ARHGAP8: variants seen among roughly 807,000 people sequenced by gnomAD.
ARHGAP8 encodes Rho GTPase activating protein 8, also known as rho GTPase-activating protein 8.
ARHGAP8 carries 62 observed loss-of-function variants against 46.1 expected under a neutral mutation model. The ratio of observed to expected loss-of-function variants is 1.34; its 90% CI spans 1.10 to 1.66. ARHGAP8 has a LOEUF of 1.66. Ranked by LOEUF, ARHGAP8 falls within the 40% of genes most tolerant of loss-of-function variation. The probability of loss-of-function intolerance (pLI) is 0.00; values close to 1 mark genes in which losing one functional copy is unlikely to be tolerated. For missense variants in ARHGAP8, 923 were observed against 568.4 expected (o/e 1.62, Z -6.34); for synonymous variants, 375 against 243.1 (o/e 1.54, Z -5.05).
intron 4 of ARHGAP8, among the ~76,000 whole-genome samples, chr22:44,814,056 G>GC (rs1340913923): frequency 6.6e-6 from 1 of 152,130 alleles, no homozygotes; most frequent in Non-Finnish European, 1.5e-5. Context: ...CATGTCCTCT[G>GC]CCCCCATCCC....
intron 3 of ARHGAP8, among the ~76,000 whole-genome samples, chr22:44,802,846 C>G (rs555451108): frequency 2.6e-5 from 4 of 152,278 alleles, no homozygotes; most frequent in African/African-American, 9.6e-5. Flanking sequence ...AGCCACGGGA[C>G]TAGAGCCACT....
intron 5 of ARHGAP8, among the ~76,000 whole-genome samples, chr22:44,818,108 T>C (rs1435783900): frequency 6.8e-6 from 1 of 147,816 alleles, no homozygotes; most frequent in South Asian, 2.2e-4. Context: ...AGTCAGACTT[T>C]GTTGTACTTA....
At chr22:44,852,491 C>T (rs928637830) in intron 10 of ARHGAP8, among the ~76,000 whole-genome samples, 4 of 152,168 alleles carry the variant, frequency 2.6e-5, no homozygotes, top group African/African-American at 2.4e-5. Context: ...TCAGCATGCC[C>T]AGGCTCCATA....
chr22:44,859,640 C>T lies in ARHGAP8; in HGVS notation c.878-91C>T, dbSNP rs181560166. On this transcript the variant is annotated intron_variant, in intron 10 of 11. Transcript: ENST00000356099. Reference sequence around the variant, plus strand: ...TGGGATAGTCCATCCTCAGAGCTGTCCTTCCTACACCCCTGTTCTCCTCCC... The same window carrying T: ...TGGGATAGTCCATCCTCAGAGCTGTTCTTCCTACACCCCTGTTCTCCTCCC... The T allele has an allele frequency of 5.0e-6, 7 of 1,402,558 alleles. No individual in the cohort carries two copies. The African/African-American group carries it at 7.2e-5, about 14-fold the overall frequency. The allele number at this position is 1,402,558 out of a possible 1,614,324, so 86.9% of individuals were successfully genotyped here.
chr22:44,846,301 C>A (rs1441237948), intron 8 of ARHGAP8, among the ~76,000 whole-genome samples: 2 of 152,244 alleles, frequency 1.3e-5, no homozygotes, highest in Non-Finnish European at 2.9e-5. Context: ...TTGATTTCCT[C>A]TTTGGAGCAG....
intron 2 of ARHGAP8, among the ~76,000 whole-genome samples, chr22:44,791,111 A>G (rs1258931289): frequency 6.6e-6 from 1 of 152,052 alleles, no homozygotes; most frequent in Non-Finnish European, 1.5e-5. Flanking sequence ...CTTCCAGATT[A>G]TTCATCCTTC....
intron 2 of ARHGAP8, among the ~76,000 whole-genome samples, chr22:44,794,489 T>C (rs893397556): frequency 6.6e-5 from 10 of 152,160 alleles, no homozygotes; most frequent in African/African-American, 1.9e-4. Flanking sequence ...GGCAGGCAGA[T>C]CATGAAGTCA....
At position 44,795,834 on chromosome 22, in the gene ARHGAP8, C is replaced by T. The variant is rs542631237; in HGVS notation, c.80-6243C>T. On this transcript the variant is annotated intron_variant, in intron 2 of 11. Coordinates refer to ENST00000356099, the MANE Select transcript of ARHGAP8 (RefSeq NM_181335.3). ...CCACCCAGTCTGGGGGGCTGCTCCT[C>T]CCACAAGCCTCCCAGCCCCTCCCCC... Among the ~76,000 whole-genome samples the T allele has an allele frequency of 1.7e-3, 257 of 152,230 alleles. 3 individuals are homozygous for T. The highest frequency in any genetic ancestry group is 0.013 in the South Asian group (63 of 4,812).
chr22:44,794,020 C>T lies in ARHGAP8; in HGVS notation c.79+7414C>T, dbSNP rs544938854. Reference sequence around the variant, plus strand: ...GAGGCCGGCCTCAGTGCGGGGCATGCGCAGGGCAGAGGAAGGCGCGGAGGC... The same window carrying T: ...GAGGCCGGCCTCAGTGCGGGGCATGTGCAGGGCAGAGGAAGGCGCGGAGGC... On this transcript the variant is annotated intron_variant, in intron 2 of 11. Coordinates refer to ENST00000356099, the MANE Select transcript of ARHGAP8 (RefSeq NM_181335.3). 4.8e-4 allele frequency among the ~76,000 whole-genome samples: 73 copies of T among 152,298 alleles called. 1 individual carries two copies. The South Asian group carries it at 8.3e-3, about 17-fold the overall frequency.
intron 2 of ARHGAP8, among the ~76,000 whole-genome samples, chr22:44,799,687 GCTGTTCTTAC>G (rs1259146341): frequency 2.0e-5 from 3 of 152,246 alleles, no homozygotes; most frequent in Admixed American, 6.5e-5. Flanking sequence ...TGTGCCTCAG[GCTGTTCTTAC>G]CTGTGTCCTT....
At chr22:44,851,504 C>T (rs1166778052) in intron 10 of ARHGAP8, among the ~76,000 whole-genome samples, 1 of 152,054 alleles carries the variant, frequency 6.6e-6, no homozygotes, top group Non-Finnish European at 1.5e-5. Context: ...CTCCACCTGA[C>T]ATGGGAACCT....
At chr22:44,768,157 C>A (rs1258342666) in intron 1 of ARHGAP8, among the ~76,000 whole-genome samples, 1 of 151,176 alleles carries the variant, frequency 6.6e-6, no homozygotes, top group Admixed American at 6.6e-5. Flanking sequence ...CCACCACGCC[C>A]GGCTAATTTT....
At chr22:44,861,166 T>C (rs1248360503) in intron 11 of ARHGAP8, among the ~76,000 whole-genome samples, 1 of 152,134 alleles carries the variant, frequency 6.6e-6, no homozygotes, top group Admixed American at 6.5e-5. Flanking sequence ...GAGATGGGGT[T>C]TCGTCACATT....
chr22:44,849,017 G>A lies in ARHGAP8; in HGVS notation c.834G>A (p.Pro278=), dbSNP rs781754419. Residue 278 remains proline (P), a synonymous_variant, in exon 10 of 12, where the codon CCG becomes CCA. Coordinates refer to ENST00000356099, the MANE Select transcript of ARHGAP8 (RefSeq NM_181335.3). Reference sequence around the variant, plus strand: ...CCTTCCTGCGAGAGCTGCCCCAGCCGCTTCTGACCTTCCAGGCCTACGAGC... The same window carrying A: ...CCTTCCTGCGAGAGCTGCCCCAGCCACTTCTGACCTTCCAGGCCTACGAGC... ...LKTFLRELPQ[P]LLTFQAYEQI... The A allele has an allele frequency of 3.6e-5, 58 of 1,614,006 alleles. No homozygotes were observed. The Middle Eastern group carries it at 6.6e-4, about 18-fold the overall frequency.
intron 7 of ARHGAP8, among the ~76,000 whole-genome samples, chr22:44,826,651 C>T (rs906670359): frequency 2.0e-5 from 3 of 152,162 alleles, no homozygotes; most frequent in Non-Finnish European, 1.5e-5. Flanking sequence ...GTCTCGAACT[C>T]CTGACCTCAA....
intron 10 of ARHGAP8, among the ~76,000 whole-genome samples, chr22:44,853,480 ACTGAGAACCCGCAAG>A (rs1409295501): frequency 6.6e-6 from 1 of 152,160 alleles, no homozygotes; most frequent in Non-Finnish European, 1.5e-5. Flanking sequence ...AAGGAGAGGA[ACTGAGAACCCGCAAG>A]CGTGCGCCGT....
intron 7 of ARHGAP8, among the ~76,000 whole-genome samples, chr22:44,843,824 C>CAA (rs56308320): frequency 0.014 from 1,308 of 92,866 alleles, 37 homozygotes; most frequent in African/African-American, 0.039. Context: ...GACCTTGTCT[C>CAA]AAAAAAAAAA....
chr22:44,789,703 G>A (rs1309826663), intron 2 of ARHGAP8, among the ~76,000 whole-genome samples: 1 of 151,992 alleles, frequency 6.6e-6, no homozygotes, highest in Non-Finnish European at 1.5e-5. Context: ...GTTTTGTCAT[G>A]TTACCCAGGC....
Position 44,791,463 on chromosome 22 carries a change from G to T in ARHGAP8, c.79+4857G>T, listed in dbSNP as rs922889128. ...TCGTGCCTGTAATCCCAGCACTTTG[G>T]GGGGATGAGTCAGGTGGATCACCTG... On this transcript the variant is annotated intron_variant, in intron 2 of 11. Coordinates refer to ENST00000356099, the MANE Select transcript of ARHGAP8 (RefSeq NM_181335.3). Among the ~76,000 whole-genome samples the T allele has an allele frequency of 1.4e-4, 21 of 152,238 alleles. No homozygotes were observed. In the South Asian group the frequency reaches 1.7e-3, roughly 12 times the overall value.
Sources: gnomAD v4.1 joint callset for allele counts (sites outside exome capture counted in the v4.1 genomes callset) on GRCh38, gnomAD v4.1.1 for gene constraint, MANE v1.5 for transcripts, NCBI Gene and HGNC (gene_info 2026-07-23, HGNC 2026-07-21) for gene names.